Variants in RABGAP1L observed in about 807,000 individuals in gnomAD.
The protein encoded by RABGAP1L is RAB GTPase activating protein 1 like.
RABGAP1L carries 63 observed loss-of-function variants against 137.7 expected under a neutral mutation model. The observed-to-expected ratio is 0.46, with a 90% CI of 0.37 to 0.56. The LOEUF (loss-of-function observed/expected upper bound fraction) is 0.56, where lower values mean the gene tolerates loss of function less well. Among genes scored for constraint, RABGAP1L ranks in the 20% least tolerant of loss-of-function variants. The probability of loss-of-function intolerance (pLI) is 0.00; values close to 1 mark genes in which losing one functional copy is unlikely to be tolerated. For synonymous variants in RABGAP1L, 431 were observed against 433.7 expected (o/e 0.99, Z 0.08); for missense variants, 1,095 against 1,244.0 (o/e 0.88, Z 1.80).
intron 19 of RABGAP1L, among the ~76,000 whole-genome samples, chr1:174,864,394 G>A (rs1353451052): frequency 6.6e-6 from 1 of 152,206 alleles, no homozygotes; most frequent in Non-Finnish European, 1.5e-5. Flanking sequence ...ACCAGAGACT[G>A]GTTAATTTAT....
At position 174,982,850 on chromosome 1, in the gene RABGAP1L, G is replaced by A; in HGVS notation, c.2750G>A (p.Ser917Asn). The change falls in exon 24 of 26, where the codon AGT (serine) becomes AAT (asparagine). Residue 917 changes from serine (S) to asparagine (N), a missense_variant. This residue lies in a region of RABGAP1L where 312 missense variants were observed against 435.6 expected (regional missense o/e 0.72). Coordinates refer to ENST00000681986, the MANE Select transcript of RABGAP1L (RefSeq NM_001366446.1). The part of the protein sequence containing the change: ...AEYKQICSQL[S>N]TRLEKQQAAS... ...CATCCTTAGATCTGTTCGCAGTTGA[G>A]TACCAGGCTGGAGAAACAGCAAGCA... The A allele has an allele frequency of 6.4e-7, 1 of 1,550,464 alleles. No individual in the cohort carries two copies. Among genetic ancestry groups the A allele is most frequent in the Non-Finnish European group, 8.7e-7 (1 of 1,146,910 alleles).
intron 18 of RABGAP1L, among the ~76,000 whole-genome samples, chr1:174,777,627 C>T (rs1226502184): frequency 6.6e-6 from 1 of 151,942 alleles, no homozygotes; most frequent in East Asian, 1.9e-4. Flanking sequence ...AATTGGCAGA[C>T]AAAAACATTA....
At chr1:174,467,133 C>T (rs542241578) in intron 13 of RABGAP1L, among the ~76,000 whole-genome samples, 12 of 152,286 alleles carry the variant, frequency 7.9e-5, no homozygotes, top group African/African-American at 2.6e-4. Context: ...AATATATACA[C>T]AGCTAGTTTT....
chr1:174,564,368 A>G (rs1161914925), intron 13 of RABGAP1L, among the ~76,000 whole-genome samples: 1 of 152,128 alleles, frequency 6.6e-6, no homozygotes, highest in Non-Finnish European at 1.5e-5. Flanking sequence ...TGCAGTTAAT[A>G]TTTACCATTT....
chr1:174,520,861 C>T (rs950398384), intron 13 of RABGAP1L, among the ~76,000 whole-genome samples: 1 of 152,020 alleles, frequency 6.6e-6, no homozygotes, highest in Non-Finnish European at 1.5e-5. Flanking sequence ...ATTAGCTGGG[C>T]ATGGTGGTGC....
chr1:174,278,329 C>T (rs1675181271), intron 9 of RABGAP1L, among the ~76,000 whole-genome samples: 2 of 152,100 alleles, frequency 1.3e-5, no homozygotes, highest in Admixed American at 1.3e-4. Context: ...TTGCTTGAGC[C>T]CTGGAGGCGG....
chr1:174,633,726 G>A (rs1295384838), intron 13 of RABGAP1L, among the ~76,000 whole-genome samples: 4 of 137,556 alleles, frequency 2.9e-5, no homozygotes, highest in South Asian at 2.4e-4. Flanking sequence ...CAGAAATAAC[G>A]CTGCATACCT....
chr1:174,341,801 G>C (rs1463718032), intron 11 of RABGAP1L, among the ~76,000 whole-genome samples: 1 of 152,072 alleles, frequency 6.6e-6, no homozygotes, highest in Non-Finnish European at 1.5e-5. Flanking sequence ...GTTTCAAAAG[G>C]AGAGAAATCT....
intron 11 of RABGAP1L, among the ~76,000 whole-genome samples, chr1:174,308,548 G>T (rs1329455187): frequency 6.6e-6 from 1 of 151,870 alleles, no homozygotes; most frequent in African/African-American, 2.4e-5. Flanking sequence ...ATGTATGGTG[G>T]TGTGAGATAA....
chr1:174,834,905 C>G (rs1692577291), intron 19 of RABGAP1L, among the ~76,000 whole-genome samples: 2 of 152,088 alleles, frequency 1.3e-5, no homozygotes, highest in South Asian at 4.1e-4. Flanking sequence ...CAGATTCATG[C>G]AGGTCCTTGA....
Position 174,278,583 on chromosome 1 carries a change from C to T in RABGAP1L, c.1157-30C>T, listed in dbSNP as rs763504989. 6 of 1,558,344 alleles carry T rather than the reference C, an allele frequency of 3.9e-6. 1 individual carries two copies. Among genetic ancestry groups the T allele is most frequent in the Non-Finnish European group, 4.4e-6 (5 of 1,145,108 alleles). Reference sequence around the variant, plus strand: ...AAAGTAGACAAGGAATAATAAAGCTCGCATAAAACCCAGAAAATTTCTACT... The same window carrying T: ...AAAGTAGACAAGGAATAATAAAGCTTGCATAAAACCCAGAAAATTTCTACT... On this transcript the variant is annotated intron_variant, in intron 9 of 25. Coordinates refer to ENST00000681986, the MANE Select transcript of RABGAP1L (RefSeq NM_001366446.1).
At chr1:174,382,884 A>C (rs1032424150) in intron 12 of RABGAP1L, among the ~76,000 whole-genome samples, 7 of 151,752 alleles carry the variant, frequency 4.6e-5, no homozygotes, top group African/African-American at 1.7e-4. Context: ...TAGAGTTTCC[A>C]GTTTTTCTGT....
intron 18 of RABGAP1L, among the ~76,000 whole-genome samples, chr1:174,767,390 A>G (rs1226197867): frequency 6.6e-6 from 1 of 152,188 alleles, no homozygotes; most frequent in Non-Finnish European, 1.5e-5. Flanking sequence ...GGTTTTTAGC[A>G]TACAAAAGTC....
intron 13 of RABGAP1L, among the ~76,000 whole-genome samples, chr1:174,398,712 A>G (rs1000101628): frequency 3.3e-5 from 5 of 152,180 alleles, no homozygotes; most frequent in Admixed American, 6.5e-5. Flanking sequence ...AATGTTTTTT[A>G]AAAGATAGAC....
chr1:174,808,987 T>G (rs1689608419), intron 18 of RABGAP1L, among the ~76,000 whole-genome samples: 1 of 152,150 alleles, frequency 6.6e-6, no homozygotes, highest in Non-Finnish European at 1.5e-5. Flanking sequence ...TTAAAGATAT[T>G]CCCATTTTTT....
chr1:174,232,335 A>C (rs1024265845), intron 4 of RABGAP1L, among the ~76,000 whole-genome samples: 3 of 151,522 alleles, frequency 2.0e-5, no homozygotes, highest in Admixed American at 2.0e-4. Flanking sequence ...TAATACAAAA[A>C]TTTGCCACGT....
intron 11 of RABGAP1L, among the ~76,000 whole-genome samples, chr1:174,314,050 C>T (rs1679126806): frequency 2.6e-5 from 4 of 152,028 alleles, no homozygotes; most frequent in African/African-American, 9.7e-5. Context: ...GGAAGAGTTC[C>T]CTCGTCCTCT....
intron 19 of RABGAP1L, among the ~76,000 whole-genome samples, chr1:174,935,975 C>T (rs1664719185): frequency 7.5e-6 from 1 of 133,006 alleles, no homozygotes; most frequent in Admixed American, 7.9e-5. Flanking sequence ...GAGTAAACCT[C>T]CATCTCACCA....
intron 15 of RABGAP1L, among the ~76,000 whole-genome samples, chr1:174,696,961 T>C (rs1318260571): frequency 6.6e-6 from 1 of 152,220 alleles, no homozygotes; most frequent in South Asian, 2.1e-4. Context: ...CTCTGCCTCC[T>C]CCAAAATTGT....
Sources: allele counts gnomAD v4.1 joint callset (sites outside exome capture counted in the v4.1 genomes callset), GRCh38; gene constraint gnomAD v4.1.1; regional missense constraint gnomAD v4.1.1; transcripts MANE v1.5; gene names NCBI Gene and HGNC (gene_info 2026-07-23, HGNC 2026-07-21).